CNTN4: variants seen among roughly 807,000 people sequenced by gnomAD.
The protein encoded by CNTN4 is contactin 4, also known as contactin-4.
In CNTN4, 77 loss-of-function variants were observed where a neutral mutation model predicts 122.5. That is an observed-to-expected ratio of 0.63 (90% CI 0.52 to 0.76). CNTN4 has a LOEUF of 0.76. CNTN4 is among the 30% of genes least tolerant of loss of function. The probability of loss-of-function intolerance (pLI) is 0.00; values close to 1 mark genes in which losing one functional copy is unlikely to be tolerated. For synonymous variants in CNTN4, 512 were observed against 447.0 expected (o/e 1.15, Z -1.83); for missense variants, 1,256 against 1,259.1 (o/e 1.00, Z 0.04).
At chr3:3,051,658 T>G (rs1049795714) in intron 23 of CNTN4, among the ~76,000 whole-genome samples, 1 of 152,182 alleles carries the variant, frequency 6.6e-6, no homozygotes, top group African/African-American at 2.4e-5. Flanking sequence ...CTGATACAAC[T>G]GATGCTGCGG....
chr3:2,099,950 T>C (rs1022346169), intron 1 of CNTN4, among the ~76,000 whole-genome samples: 7 of 152,212 alleles, frequency 4.6e-5, no homozygotes, highest in Non-Finnish European at 8.8e-5. Context: ...TGAATCCCTC[T>C]GAACCAGCCA....
rs372811795 is a variant in CNTN4, at chr3:2,892,949, A to C, written c.940+5725A>C. On this transcript the variant is annotated intron_variant, in intron 10 of 24. Transcript: ENST00000418658. ...TAGAACTGCTTTTTTCTGCTATTCT[A>C]CCTGTGTTACTTTTCCTGCCAATAC... Among the ~76,000 whole-genome samples the C allele has an allele frequency of 9.0e-4, 137 of 152,254 alleles. 6 individuals are homozygous for C. In the South Asian group the frequency reaches 0.028, roughly 31 times the overall value.
At chr3:2,746,642 A>G (rs2089784306) in intron 6 of CNTN4, among the ~76,000 whole-genome samples, 1 of 152,246 alleles carries the variant, frequency 6.6e-6, no homozygotes, top group Non-Finnish European at 1.5e-5. Flanking sequence ...ACACTGTAGA[A>G]TATTCTCATT....
intron 3 of CNTN4, among the ~76,000 whole-genome samples, chr3:2,356,571 C>T (rs1652053337): frequency 1.3e-5 from 2 of 152,282 alleles, no homozygotes; most frequent in South Asian, 4.2e-4. Context: ...TGGATTTCAG[C>T]CAGCTTCTTT....
At chr3:2,192,698 A>T (rs1575049991) in intron 2 of CNTN4, among the ~76,000 whole-genome samples, 1 of 152,242 alleles carries the variant, frequency 6.6e-6, no homozygotes, top group Admixed American at 6.5e-5. Flanking sequence ...AGTTGGAGTT[A>T]TACAGAGCAA....
intron 2 of CNTN4, among the ~76,000 whole-genome samples, chr3:2,140,983 C>A (rs1414745511): frequency 2.0e-5 from 3 of 152,204 alleles, no homozygotes; most frequent in Non-Finnish European, 2.9e-5. Context: ...CCACACTCAG[C>A]ATACAGTCTT....
chr3:2,687,303 C>A (rs149087181), intron 4 of CNTN4, among the ~76,000 whole-genome samples: 2 of 7,864 alleles, frequency 2.5e-4, no homozygotes, highest in Non-Finnish European at 5.9e-4. Flanking sequence ...CCACCACTTG[C>A]TGCTCAGCAA....
At chr3:2,610,040 A>G (rs1049954452) in intron 4 of CNTN4, among the ~76,000 whole-genome samples, 4 of 152,206 alleles carry the variant, frequency 2.6e-5, no homozygotes, top group African/African-American at 9.6e-5. Flanking sequence ...GTGCCCGCAC[A>G]TGGTAGGTAA....
At chr3:2,172,589 C>T (rs1237918438) in intron 2 of CNTN4, among the ~76,000 whole-genome samples, 1 of 152,132 alleles carries the variant, frequency 6.6e-6, no homozygotes, top group East Asian at 1.9e-4. Context: ...GCAAGTAGGC[C>T]AGCCCATGAA....
chr3:2,121,695 C>A (rs1238931971), intron 2 of CNTN4, among the ~76,000 whole-genome samples: 3 of 152,066 alleles, frequency 2.0e-5, no homozygotes, highest in Admixed American at 1.3e-4. Flanking sequence ...CTTCACTCTG[C>A]ATTGTTGAAA....
intron 3 of CNTN4, among the ~76,000 whole-genome samples, chr3:2,491,812 A>G (rs2076324753): frequency 6.6e-6 from 1 of 152,198 alleles, no homozygotes; most frequent in African/African-American, 2.4e-5. Context: ...ATTTTCTCGA[A>G]TCTTCCGTCA....
intron 3 of CNTN4, among the ~76,000 whole-genome samples, chr3:2,510,337 A>G (rs2076847180): frequency 6.9e-6 from 1 of 143,890 alleles, no homozygotes; most frequent in East Asian, 2.1e-4. Flanking sequence ...GAAAACTAAG[A>G]CTCACAAAGG....
intron 2 of CNTN4, 131 bp from the exon 3 acceptor site, chr3:2,339,047 T>A (rs1559466642): frequency 6.6e-6 from 1 of 152,164 alleles, no homozygotes; most frequent in Admixed American, 6.5e-5. Context: ...ATGTATTTAA[T>A]TTTTACTTTG....
intron 3 of CNTN4, among the ~76,000 whole-genome samples, chr3:2,361,613 G>T (rs1357093540): frequency 6.6e-6 from 1 of 152,156 alleles, no homozygotes; most frequent in East Asian, 1.9e-4. Context: ...TTATCCAACT[G>T]TATTGGAATA....
chr3:2,515,555 G>A (rs2077016667), intron 3 of CNTN4, among the ~76,000 whole-genome samples: 1 of 151,904 alleles, frequency 6.6e-6, no homozygotes, highest in African/African-American at 2.4e-5. Context: ...AATGAAGTAA[G>A]CAACTTTGTG....
At chr3:2,206,681 C>G (rs545495497) in intron 2 of CNTN4, among the ~76,000 whole-genome samples, 1 of 151,144 alleles carries the variant, frequency 6.6e-6, no homozygotes, top group African/African-American at 2.4e-5. Flanking sequence ...AATATTCAGA[C>G]CTATCAACTG....
chr3:3,034,751 A>G lies in CNTN4; in HGVS notation c.1903A>G (p.Arg635Gly), dbSNP rs770762971. ...SPITMYVIQA[R>G]TPFSVGWQAV... ...CATCACCATGTATGTCATTCAAGCC[A>G]GGACTCCATTCTCCGTGGGCTGGCA... The change falls in exon 17 of 25, where the codon AGG becomes GGG. Residue 635 changes from arginine to glycine, a missense_variant. Coordinates refer to ENST00000418658, the MANE Select transcript of CNTN4 (RefSeq NM_175607.3). 14 of 1,614,012 alleles carry G rather than the reference A, an allele frequency of 8.7e-6. No homozygotes were observed. Among genetic ancestry groups the G allele is most frequent in the Non-Finnish European group, 1.2e-5 (14 of 1,180,016 alleles).
In CNTN4 at chr3:2,851,981, T is replaced by C. The variant is rs558489522; in HGVS notation, c.455-14771T>C. 3.9e-5 allele frequency among the ~76,000 whole-genome samples: 6 copies of C among 152,328 alleles called. No individual in the cohort carries two copies. In the East Asian group the frequency reaches 1.2e-3, roughly 29 times the overall value. Reference sequence around the variant, plus strand: ...CAGCTATAATCTGTAATACATGAACTCTAAGTAAAATCTAGTTGCTAAGTT... The same window carrying C: ...CAGCTATAATCTGTAATACATGAACCCTAAGTAAAATCTAGTTGCTAAGTT... On this transcript the variant is annotated intron_variant, in intron 7 of 24. Coordinates refer to ENST00000418658, the MANE Select transcript of CNTN4 (RefSeq NM_175607.3).
rs145926004 is a variant in CNTN4, at chr3:2,429,015, C to T, written c.-89+89782C>T. Reference sequence around the variant, plus strand: ...GTTTTTAGCTTCTTTGTGATGGGTTCGGACATCCTTCTTTTGCTCAGAGAG... The same window carrying T: ...GTTTTTAGCTTCTTTGTGATGGGTTTGGACATCCTTCTTTTGCTCAGAGAG... On this transcript the variant is annotated intron_variant, in intron 3 of 24. Transcript: ENST00000418658. Among the ~76,000 whole-genome samples the T allele has an allele frequency of 2.7e-3, 407 of 152,148 alleles. 1 individual carries two copies. Among genetic ancestry groups the T allele is most frequent in the Non-Finnish European group, 4.2e-3 (284 of 67,994 alleles).
Sources: gnomAD v4.1 joint callset for allele counts (sites outside exome capture counted in the v4.1 genomes callset) on GRCh38, gnomAD v4.1.1 for gene constraint, MANE v1.5 for transcripts, NCBI Gene and HGNC (gene_info 2026-07-23, HGNC 2026-07-21) for gene names.